MRTFB: variants seen among roughly 807,000 people sequenced by gnomAD.
MRTFB encodes the protein myocardin-related transcription factor B.
Under a neutral mutation model 104.2 loss-of-function variants are expected in MRTFB, and 29 were observed. The observed-to-expected ratio is 0.28, with a 90% CI of 0.21 to 0.38. MRTFB has a LOEUF of 0.38. Ranked by LOEUF, MRTFB falls within the 10% of genes least tolerant of loss-of-function variation. MRTFB has a pLI of 1.00. For synonymous variants in MRTFB, 535 were observed against 519.5 expected, an observed-to-expected ratio of 1.03 and a Z score of -0.41; for missense variants, 1,270 against 1,341.6, an observed-to-expected ratio of 0.95 and a Z score of 0.83.
the MRTFB span, among the ~76,000 whole-genome samples, chr16:14,022,202 G>A: frequency 6.6e-6 from 1 of 152,284 alleles, no homozygotes; most frequent in South Asian, 2.1e-4. Context: ...CATGTGTTTG[G>A]AGAGCCAGTC....
chr16:14,258,630 C>T (rs147438916), intron 16 of MRTFB, among the ~76,000 whole-genome samples: 1 of 152,284 alleles, frequency 6.6e-6, no homozygotes, highest in African/African-American at 2.4e-5. Flanking sequence ...CAAAGTAGAA[C>T]CAGATTTAAA....
At chr16:14,146,139 T>C (rs1018105857) in intron 3 of MRTFB, among the ~76,000 whole-genome samples, 11 of 152,246 alleles carry the variant, frequency 7.2e-5, no homozygotes, top group African/African-American at 2.7e-4. Context: ...TACTTTATGG[T>C]ATGTCTTGAG....
chr16:14,198,198 G>A (rs1488961479), intron 3 of MRTFB, among the ~76,000 whole-genome samples: 4 of 152,122 alleles, frequency 2.6e-5, no homozygotes, highest in African/African-American at 9.7e-5. Context: ...CCATTGTATG[G>A]ATATGCCACA....
At chr16:14,086,614 A>G (rs1405962747) in intron 2 of MRTFB, among the ~76,000 whole-genome samples, 4 of 152,152 alleles carry the variant, frequency 2.6e-5, no homozygotes, top group Non-Finnish European at 4.4e-5. Flanking sequence ...TTTGTTTTCT[A>G]AAATAACCAA....
intron 3 of MRTFB, among the ~76,000 whole-genome samples, chr16:14,203,589 G>A (rs1283996906): frequency 6.6e-6 from 1 of 151,910 alleles, no homozygotes; most frequent in Non-Finnish European, 1.5e-5. Flanking sequence ...AACACTTGAG[G>A]CCAGGAGTTG....
At chr16:14,181,564 T>G (rs2039772117) in intron 3 of MRTFB, among the ~76,000 whole-genome samples, 1 of 152,232 alleles carries the variant, frequency 6.6e-6, no homozygotes, top group African/African-American at 2.4e-5. Context: ...TCAATCTTTA[T>G]GTCAAGAATG....
At chr16:14,239,304 A>C (rs2042660783) in intron 9 of MRTFB, among the ~76,000 whole-genome samples, 1 of 152,264 alleles carries the variant, frequency 6.6e-6, no homozygotes, top group South Asian at 2.1e-4. Flanking sequence ...ATGTTAGAAT[A>C]GCCTAACATT....
chr16:14,148,875 T>C (rs542297904), intron 3 of MRTFB: 3 of 152,464 alleles, frequency 2.0e-5, no homozygotes, highest in Non-Finnish European at 4.4e-5. Context: ...GTGCTATTCA[T>C]TGGGCAGCAG....
intron 9 of MRTFB, among the ~76,000 whole-genome samples, chr16:14,236,089 G>C (rs1372944927): frequency 1.3e-5 from 2 of 152,208 alleles, no homozygotes; most frequent in African/African-American, 4.8e-5. Flanking sequence ...GCTGAGGTGG[G>C]AGGATCACTT....
At chr16:14,249,126 A>G (rs1484775587) in intron 13 of MRTFB, 45 bp downstream of exon 13, 1 of 1,592,846 alleles carries the variant, frequency 6.3e-7, no homozygotes, top group Non-Finnish European at 8.6e-7. Context: ...GATTTTTACC[A>G]TCCTCCGATC....
At chr16:14,061,030 C>T in the MRTFB span, among the ~76,000 whole-genome samples, 32 of 152,106 alleles carry the variant, frequency 2.1e-4, no homozygotes, top group African/African-American at 7.5e-4. Flanking sequence ...CCTGTAGTCC[C>T]AGCTACTCAG....
intron 4 of MRTFB, among the ~76,000 whole-genome samples, chr16:14,211,338 C>T (rs2041182627): frequency 6.6e-6 from 1 of 152,138 alleles, no homozygotes; most frequent in African/African-American, 2.4e-5. Flanking sequence ...TTTAAGACAC[C>T]ATTGCTAGGC....
the MRTFB span, among the ~76,000 whole-genome samples, chr16:14,060,532 T>C: frequency 5.9e-5 from 9 of 152,122 alleles, no homozygotes; most frequent in African/African-American, 2.2e-4. Context: ...TCTTCTCCAA[T>C]CTACGTAGCC....
At chr16:14,187,602 TA>T (rs2040003980) in intron 3 of MRTFB, among the ~76,000 whole-genome samples, 1 of 152,228 alleles carries the variant, frequency 6.6e-6, no homozygotes, top group Admixed American at 6.5e-5. Context: ...AAGCAAAGAA[TA>T]AGCTTGAGAA....
At chr16:14,128,471 T>G (rs976795961) in intron 2 of MRTFB, among the ~76,000 whole-genome samples, 2 of 152,202 alleles carry the variant, frequency 1.3e-5, no homozygotes, top group African/African-American at 4.8e-5. Flanking sequence ...GTTTCAGTGT[T>G]TAGCAGTAAT....
chr16:14,160,012 T>C (rs1285884684), intron 3 of MRTFB, among the ~76,000 whole-genome samples: 2 of 147,212 alleles, frequency 1.4e-5, no homozygotes, highest in African/African-American at 5.1e-5. Flanking sequence ...TCTTTAAGAA[T>C]AAATACATTC....
intron 8 of MRTFB, among the ~76,000 whole-genome samples, chr16:14,222,382 A>G (rs989738018): frequency 1.4e-4 from 22 of 152,118 alleles, no homozygotes; most frequent in Non-Finnish European, 2.8e-4. Context: ...CCCAACACAA[A>G]TTCATAAACT....
chr16:14,078,818 A>T lies in MRTFB; in HGVS notation c.-128-472A>T, dbSNP rs572099479. ...ATTATTATATAATAACATTATAATA[A>T]AATAGTATTTATTGAACACATATTT... is the stretch of plus-strand genomic sequence containing the variant. On this transcript the variant is annotated intron_variant, in intron 1 of 16. Coordinates refer to ENST00000571589, the MANE Select transcript of MRTFB (RefSeq NM_001308142.2). Among the ~76,000 whole-genome samples, 12 of 151,974 alleles carry T rather than the reference A, an allele frequency of 7.9e-5. No individual in the cohort carries two copies. The South Asian group carries it at 2.3e-3, about 29-fold the overall frequency.
intron 3 of MRTFB, among the ~76,000 whole-genome samples, chr16:14,154,432 A>G (rs2038747965): frequency 6.6e-6 from 1 of 152,252 alleles, no homozygotes; most frequent in African/African-American, 2.4e-5. Flanking sequence ...CATAGATAGC[A>G]TAGAGCCGAA....
Sources: gnomAD v4.1 joint callset for allele counts (sites outside exome capture counted in the v4.1 genomes callset) on GRCh38, gnomAD v4.1.1 for gene constraint, MANE v1.5 for transcripts, NCBI Gene and HGNC (gene_info 2026-07-23, HGNC 2026-07-21) for gene names.